FRMD6: variants seen among roughly 807,000 people sequenced by gnomAD.
The protein encoded by FRMD6 is FERM domain containing 6, also known as FERM domain-containing protein 6.
In FRMD6, 37 loss-of-function variants were observed where a neutral mutation model predicts 73.2. The observed-to-expected ratio is 0.51, with a 90% CI of 0.39 to 0.66. FRMD6 has a LOEUF of 0.66. FRMD6 is among the 30% of genes least tolerant of loss of function. FRMD6 has a pLI of 0.00. For synonymous variants in FRMD6, 273 were observed against 282.2 expected (o/e 0.97, Z 0.33); for missense variants, 714 against 780.5 (o/e 0.91, Z 1.02).
chr14:51,698,210 C>T lies in FRMD6; in HGVS notation c.168C>T (p.Leu56=). The T allele has an allele frequency of 6.2e-7, 1 of 1,612,202 alleles. No homozygotes were observed. Among genetic ancestry groups the T allele is most frequent in the African/African-American group, 1.3e-5 (1 of 74,950 alleles). The change falls in exon 3 of 14, where the codon CTC becomes CTT. Residue 56 remains leucine, a synonymous_variant. Coordinates refer to ENST00000344768, the MANE Select transcript of FRMD6 (RefSeq NM_001267046.2). Reference sequence around the variant, plus strand: ...TGCTCAGGCTAAAGGACTGCCACCTCTTTGGACTCAGTGTTATACAAAGTA... The same window carrying T: ...TGCTCAGGCTAAAGGACTGCCACCTTTTTGGACTCAGTGTTATACAAAGTA... ...CDLLRLKDCH[L]FGLSVIQNNE...
intron 2 of FRMD6, among the ~76,000 whole-genome samples, chr14:51,597,541 C>A (rs543077257): frequency 6.6e-6 from 1 of 152,108 alleles, no homozygotes; most frequent in Non-Finnish European, 1.5e-5. Context: ...GAATGTGTAA[C>A]GAGGAAAGGC....
chr14:51,581,971 C>A (rs1888750108), intron 2 of FRMD6, among the ~76,000 whole-genome samples: 1 of 152,176 alleles, frequency 6.6e-6, no homozygotes, highest in Admixed American at 6.5e-5. Flanking sequence ...ATATTAAATC[C>A]CAGCTCTTCC....
chr14:51,656,751 G>T (rs1462390157), intron 1 of FRMD6, among the ~76,000 whole-genome samples: 1 of 152,136 alleles, frequency 6.6e-6, no homozygotes, highest in Non-Finnish European at 1.5e-5. Flanking sequence ...CAGCTGTATG[G>T]TCTTGTCTTA....
At chr14:51,462,261 C>T in the FRMD6 span, among the ~76,000 whole-genome samples, 1 of 152,222 alleles carries the variant, frequency 6.6e-6, no homozygotes, top group Non-Finnish European at 1.5e-5. Flanking sequence ...ATTGCTGAGC[C>T]TGAGATCCTC....
At chr14:51,587,289 A>G (rs1031371536) in intron 2 of FRMD6, among the ~76,000 whole-genome samples, 4 of 150,302 alleles carry the variant, frequency 2.7e-5, no homozygotes, top group Non-Finnish European at 4.5e-5. Context: ...AAATTTTAGT[A>G]GTAGATTGAG....
At chr14:51,569,822 T>A (rs1213906274) in intron 1 of FRMD6, among the ~76,000 whole-genome samples, 1 of 118,384 alleles carries the variant, frequency 8.4e-6, no homozygotes, top group African/African-American at 3.4e-5. Flanking sequence ...TTCTTCTTTT[T>A]CTTTTTTTTT....
At chr14:51,416,751 G>T in the FRMD6 span, among the ~76,000 whole-genome samples, 571 of 152,244 alleles carry the variant, frequency 3.8e-3, 3 homozygotes, top group African/African-American at 0.013. Flanking sequence ...CTGACAGTGG[G>T]GTGTTAAAGT....
intron 1 of FRMD6, among the ~76,000 whole-genome samples, chr14:51,668,915 C>A (rs960078708): frequency 3.3e-5 from 5 of 152,092 alleles, no homozygotes; most frequent in Admixed American, 6.6e-5. Context: ...GTGATCCACC[C>A]ACTTCAGCCT....
At chr14:51,484,515 C>G (rs138344702), upstream of FRMD6, among the ~76,000 whole-genome samples, 1,370 of 152,302 alleles carry the variant, frequency 9.0e-3, 19 homozygotes, top group African/African-American at 0.032. Context: ...ACCAGAATAG[C>G]CACTCAGCAG....
At chr14:51,713,870 C>T (rs1897097132) in intron 9 of FRMD6, 1 of 152,032 alleles carries the variant, frequency 6.6e-6, no homozygotes, top group Admixed American at 6.5e-5. Context: ...CCTTTCATGC[C>T]CCAAATTAAG....
chr14:51,417,344 G>C, the FRMD6 span, among the ~76,000 whole-genome samples: 22 of 152,234 alleles, frequency 1.4e-4, 1 homozygote, highest in East Asian at 1.7e-3. Context: ...TAGGGCAGGC[G>C]TGGTGGTGAC....
chr14:51,493,493 C>G (rs1387752487), intron 1 of FRMD6, among the ~76,000 whole-genome samples: 2 of 152,140 alleles, frequency 1.3e-5, no homozygotes, highest in Non-Finnish European at 2.9e-5. Context: ...CCTGCACATG[C>G]TCTCTCTCTT....
At chr14:51,418,328 C>T in the FRMD6 span, among the ~76,000 whole-genome samples, 6 of 152,168 alleles carry the variant, frequency 3.9e-5, no homozygotes, top group African/African-American at 1.2e-4. Flanking sequence ...TGACCATCAT[C>T]ATGGGGTTTT....
At chr14:51,658,977 A>C (rs1319663177) in intron 1 of FRMD6, among the ~76,000 whole-genome samples, 1 of 152,234 alleles carries the variant, frequency 6.6e-6, no homozygotes, top group African/African-American at 2.4e-5. Context: ...ATGTAATGTT[A>C]ACAAGTAAAA....
intron 1 of FRMD6, among the ~76,000 whole-genome samples, chr14:51,559,097 A>G (rs1222799059): frequency 2.0e-5 from 3 of 152,250 alleles, no homozygotes; most frequent in Admixed American, 1.3e-4. Context: ...TAACTGTCCT[A>G]GATAAATGAA....
chr14:51,654,044 C>G (rs1187284904), intron 1 of FRMD6, among the ~76,000 whole-genome samples: 4 of 152,136 alleles, frequency 2.6e-5, no homozygotes, highest in Non-Finnish European at 5.9e-5. Flanking sequence ...TCTTGCAGTA[C>G]TCAAGACATT....
intron 2 of FRMD6, among the ~76,000 whole-genome samples, chr14:51,595,743 A>G (rs893038519): frequency 6.6e-6 from 1 of 152,212 alleles, no homozygotes; most frequent in Non-Finnish European, 1.5e-5. Flanking sequence ...CCATATGGCT[A>G]TAGACTATGG....
At position 51,682,055 on chromosome 14, in the gene FRMD6, T is replaced by C. The variant is rs183289477; in HGVS notation, c.-146-7636T>C. Among the ~76,000 whole-genome samples the C allele has an allele frequency of 7.2e-5, 11 of 152,324 alleles. No homozygotes were observed. In the East Asian group the frequency reaches 1.9e-3, roughly 27 times the overall value. Reference sequence around the variant, plus strand: ...ATTAGTATGCAAGATGAGATATTCCTTTGTTGCTGAAAATTACTGTTATTA... The same window carrying C: ...ATTAGTATGCAAGATGAGATATTCCCTTGTTGCTGAAAATTACTGTTATTA... On this transcript the variant is annotated intron_variant, in intron 1 of 13. Transcript: ENST00000344768.
chr14:51,406,796 C>A, the FRMD6 span, among the ~76,000 whole-genome samples: 1 of 152,160 alleles, frequency 6.6e-6, no homozygotes, highest in African/African-American at 2.4e-5. Flanking sequence ...AAAAGGCAGT[C>A]TTTCAAATAA....
Sources: gnomAD v4.1 joint callset for allele counts (sites outside exome capture counted in the v4.1 genomes callset) on GRCh38, gnomAD v4.1.1 for gene constraint, MANE v1.5 for transcripts, NCBI Gene and HGNC (gene_info 2026-07-23, HGNC 2026-07-21) for gene names.